NAALADL1: variants seen among roughly 807,000 people sequenced by gnomAD.
The protein encoded by NAALADL1 is N-acetylated alpha-linked acidic dipeptidase like 1.
In NAALADL1, 77 loss-of-function variants were observed where a neutral mutation model predicts 82.8. The observed-to-expected ratio is 0.93, with a 90% CI of 0.77 to 1.12. The LOEUF is 1.12. Ranked by LOEUF, NAALADL1 falls within the 50% of genes most tolerant of loss-of-function variation. NAALADL1 has a pLI of 0.00. For missense variants in NAALADL1, 956 were observed against 964.0 expected (o/e 0.99, Z 0.11); for synonymous variants, 358 against 399.2 (o/e 0.90, Z 1.23).
chr11:65,048,421 C>A, intron 8 of NAALADL1, 36 bp from the exon 9 acceptor site: 1 of 1,611,664 alleles, frequency 6.2e-7, no homozygotes, highest in South Asian at 1.1e-5. Flanking sequence ...AGGACAGGGT[C>A]CTCCTGATCC....
intron 10 of NAALADL1, 37 bp downstream of exon 10, chr11:65,048,115 C>T: frequency 1.2e-6 from 2 of 1,614,062 alleles, no homozygotes; most frequent in Non-Finnish European, 1.7e-6. Flanking sequence ...AGTCGTCCCG[C>T]CGTCTCCTCC....
In NAALADL1 at chr11:65,047,526, G is replaced by A. The variant is rs1160328782; in HGVS notation, c.1548C>T (p.Phe516=). The change falls in exon 13 of 18, where the codon TTC becomes TTT. Residue 516 remains phenylalanine, a synonymous_variant. Transcript: ENST00000358658. ...TGGAGGAGATGCCCAGGAAGTGAACGAAGGGTGCATAGTCGCTGCCAGCAC... is the reference window on the plus strand; with the variant it reads ...TGGAGGAGATGCCCAGGAAGTGAACAAAGGGTGCATAGTCGCTGCCAGCAC... ...SLGAGSDYAP[F]VHFLGISSMD... 7.0e-6 allele frequency: 11 copies of A among 1,571,860 alleles called. No individual in the cohort carries two copies. In the East Asian group the frequency reaches 7.1e-5, roughly 10 times the overall value.
chr11:65,055,509 A>G (rs1324129923), intron 4 of NAALADL1, among the ~76,000 whole-genome samples: 1 of 152,214 alleles, frequency 6.6e-6, no homozygotes, highest in Non-Finnish European at 1.5e-5. Context: ...GAAAGTTCTG[A>G]TACATCAATG....
rs763799413 is a variant in NAALADL1 at position 65,048,340 on chromosome 11, G to GC, written c.1243dup (p.Ala415GlyfsTer2). 40 of 1,614,058 alleles carry GC rather than the reference G, an allele frequency of 2.5e-5. 1 individual carries two copies. Among genetic ancestry groups the GC allele is most frequent in the African/African-American group, 9.3e-5 (7 of 74,902 alleles). On this transcript the variant is annotated frameshift_variant, in exon 9 of 18. Transcript: ENST00000358658. LOFTEE classifies it high-confidence loss of function. ...GGAGCCAATGAGCCCAAACTCCTCAGCCCCCCAGCTCGCAAACACGATTGA... is the reference window on the plus strand; with the variant it reads ...GGAGCCAATGAGCCCAAACTCCTCAGCCCCCCCAGCTCGCAAACACGATTGA...
At chr11:65,060,218 AT>A (rs1292638025), upstream of NAALADL1, among the ~76,000 whole-genome samples, 2 of 151,306 alleles carry the variant, frequency 1.3e-5, no homozygotes, top group Non-Finnish European at 2.9e-5. Context: ...TCACAACCCC[AT>A]TTTGCTGGCA....
At position 65,046,533 on chromosome 11, in the gene NAALADL1, G is replaced by A. The variant is rs760795763; in HGVS notation, c.1600-7C>T. On this transcript the variant is annotated splice_region_variant and splice_polypyrimidine_tract_variant and intron_variant, in intron 13 of 17. Coordinates refer to ENST00000358658, the MANE Select transcript of NAALADL1 (RefSeq NM_005468.3). ...TCCTGGCTGAAGTCTTGCTCTGGGG[G>A]AACAAAGCCCAGAGGTGACAGGCTT... is the stretch of plus-strand genomic sequence containing the variant. The A allele has an allele frequency of 1.9e-6, 3 of 1,613,784 alleles. No homozygotes were observed. The African/African-American group carries it at 4.0e-5, about 22-fold the overall frequency.
intron 8 of NAALADL1, among the ~76,000 whole-genome samples, chr11:65,051,867 G>A (rs979122492): frequency 1.3e-4 from 20 of 152,072 alleles, no homozygotes; most frequent in Admixed American, 5.2e-4. Flanking sequence ...ACTTACAAAC[G>A]TAAAACTGGT....
chr11:65,058,506 C>T lies in NAALADL1; in HGVS notation c.16G>A (p.Val6Met). Residue 6 changes from valine to methionine, a missense_variant, in exon 1 of 18, where the codon GTG (valine) becomes ATG (methionine). Physicochemically the swap from Val to Met is conservative, Grantham distance 21. Coordinates refer to ENST00000358658, the MANE Select transcript of NAALADL1 (RefSeq NM_005468.3). Reference protein sequence around the residue: MQWTKVLGLGLGAAAL... With the variant: MQWTKMLGLGLGAAAL... ...GCAGCCCCCAGCCCCAGCCCCAACA[C>T]CTTCGTCCACTGCATCCTGCGGACT... is the stretch of plus-strand genomic sequence containing the variant. 2 of 1,601,594 alleles carry T rather than the reference C, an allele frequency of 1.2e-6. No homozygotes were observed. Among genetic ancestry groups the T allele is most frequent in the Non-Finnish European group, 1.7e-6 (2 of 1,174,142 alleles).
rs1946771584 is a variant in NAALADL1, at chr11:65,047,720, C to T, written c.1435G>A (p.Gly479Ser). ...CAGTTGTCGTAGATGCTCAGGTCGCCAGGGCCTGGTGAGCGGATCTGGCCG... is the reference window on the plus strand; with the variant it reads ...CAGTTGTCGTAGATGCTCAGGTCGCTAGGGCCTGGTGAGCGGATCTGGCCG... ...ATKEIRSPGP[G>S]DLSIYDNWIR... The change falls in exon 12 of 18, where the codon GGC (glycine) becomes AGC (serine). Residue 479 changes from glycine (G) to serine (S), a missense_variant. Gly to Ser is a moderately conservative substitution (Grantham distance 56). Coordinates refer to ENST00000358658, the MANE Select transcript of NAALADL1 (RefSeq NM_005468.3). 1 of 1,605,192 alleles carries T rather than the reference C, an allele frequency of 6.2e-7. No homozygotes were observed. Among genetic ancestry groups the T allele is most frequent in the Non-Finnish European group, 8.5e-7 (1 of 1,176,842 alleles).
At chr11:65,057,770 C>A in intron 3 of NAALADL1, 105 bp downstream of exon 3, 1 of 1,523,072 alleles carries the variant, frequency 6.6e-7, no homozygotes. Context: ...TTCCGGAGGG[C>A]GCGCTGTGCC....
At chr11:65,057,223 G>A (rs1393387890) in intron 4 of NAALADL1, 148 bp downstream of exon 4, 9 of 1,240,352 alleles carry the variant, frequency 7.3e-6, no homozygotes, top group African/African-American at 4.6e-5. Context: ...GGGACAACCC[G>A]AAAACACCTT....
At position 65,047,500 on chromosome 11, in the gene NAALADL1, A is replaced by G. The variant is rs1946762452; in HGVS notation, c.1574T>C (p.Met525Thr). Residue 525 changes from methionine to threonine, a missense_variant, in exon 13 of 18, where the codon ATG becomes ACG. By Grantham distance (81) the Met-to-Thr change is moderately conservative. Coordinates refer to ENST00000358658, the MANE Select transcript of NAALADL1 (RefSeq NM_005468.3). ...CCGGTCATAGGTATAGGCAATGTCC[A>G]TGGAGGAGATGCCCAGGAAGTGAAC... ...PFVHFLGISS[M>T]DIAYTYDRSK... is the part of the protein sequence containing the mutation. 4 of 1,567,948 alleles carry G rather than the reference A, an allele frequency of 2.6e-6. No homozygotes were observed. Among genetic ancestry groups the G allele is most frequent in the African/African-American group, 1.4e-5 (1 of 73,880 alleles).
Position 65,046,503 on chromosome 11 carries a change from G to A in NAALADL1, c.1623C>T (p.Tyr541=), listed in dbSNP as rs1357101901. ...TGTCAAAGGCTGTGTGGTAGGTGGG[G>A]TAGATCCTGGCTGAAGTCTTGCTCT... The part of the protein sequence containing the change: ...YDRSKTSARI[Y]PTYHTAFDTF... The change falls in exon 14 of 18, where the codon TAC becomes TAT. Residue 541 remains tyrosine, a synonymous_variant. Coordinates refer to ENST00000358658, the MANE Select transcript of NAALADL1 (RefSeq NM_005468.3). 2 of 1,614,208 alleles carry A rather than the reference G, an allele frequency of 1.2e-6. No homozygotes were observed. Among genetic ancestry groups the A allele is most frequent in the East Asian group, 4.5e-5 (2 of 44,886 alleles).
chr11:65,058,368 G>T lies in NAALADL1; in HGVS notation c.154C>A (p.Leu52Met). The change falls in exon 1 of 18, where the codon CTG (leucine) becomes ATG (methionine). Residue 52 changes from leucine (L) to methionine (M), a missense_variant. Transcript: ENST00000358658. ...TTCTCCCGGATCCTGTGGGCATCCA[G>T]CTGCCCCATGACGGTCTCCAGGATC... The part of the protein sequence containing the change: ...LEILETVMGQ[L>M]DAHRIRENLR... The T allele has an allele frequency of 6.2e-7, 1 of 1,614,194 alleles. No homozygotes were observed. Among genetic ancestry groups the T allele is most frequent in the Non-Finnish European group, 8.5e-7 (1 of 1,180,012 alleles).
chr11:65,046,166 C>T (rs765696111), intron 15 of NAALADL1, 23 bp downstream of exon 15: 10 of 1,614,096 alleles, frequency 6.2e-6, no homozygotes, highest in Non-Finnish European at 8.5e-6. Flanking sequence ...CTCCCCATAC[C>T]TCAGGGTCAG....
In NAALADL1 at chr11:65,045,853, G is replaced by A; in HGVS notation, c.2005C>T (p.Pro669Ser). 1.2e-6 allele frequency: 2 copies of A among 1,614,134 alleles called. No homozygotes were observed. The stretch of plus-strand genomic sequence containing the variant: ...TAGCGTTCCTCTGGGAAGGCTCTAG[G>A]GTTCAGAAAGGTCCGTTCCAAGAGC... ...LMLLERTFLN[P>S]RAFPEERYYS... Residue 669 changes from proline (P) to serine (S), a missense_variant, in exon 17 of 18, where the codon CCT becomes TCT. Transcript: ENST00000358658.
Position 65,057,875 on chromosome 11 carries a change from C to G in NAALADL1, c.480G>C (p.Gln160His). Residue 160 changes from glutamine (Q) to histidine (H), a missense_variant and splice_region_variant, in exon 3 of 18, where the codon CAG becomes CAC. Transcript: ENST00000358658. ...GCAGTAGGGGGGGTTCTGGGCCCAC[C>G]TGTGGGGTTCCAGAAGGAGCATAGG... ...YAAYAPSGTP[Q>H]GLLVYANRGA... is the part of the protein sequence containing the mutation. 6.2e-7 allele frequency: 1 copy of G among 1,613,726 alleles called. No individual in the cohort carries two copies. The highest frequency in any genetic ancestry group is 8.5e-7 in the Non-Finnish European group (1 of 1,179,916).
chr11:65,052,792 C>T (rs1238150918), intron 8 of NAALADL1, among the ~76,000 whole-genome samples: 1 of 152,214 alleles, frequency 6.6e-6, no homozygotes, highest in African/African-American at 2.4e-5. Context: ...CCCTCCTCTC[C>T]TTCCCTGAAG....
chr11:65,060,895 G>T (rs1947179173), upstream of NAALADL1, among the ~76,000 whole-genome samples: 1 of 152,040 alleles, frequency 6.6e-6, no homozygotes, highest in Middle Eastern at 3.2e-3. Context: ...GGTCCAAGGG[G>T]TCTTCAATCC....
Sources: allele counts gnomAD v4.1 joint callset (sites outside exome capture counted in the v4.1 genomes callset), GRCh38; gene constraint gnomAD v4.1.1; transcripts MANE v1.5; gene names NCBI Gene and HGNC (gene_info 2026-07-23, HGNC 2026-07-21).